Variants in ENTHD1 observed in about 807,000 individuals in gnomAD.
The protein encoded by ENTHD1 is ENTH domain containing 1, also known as ENTH domain-containing protein 1.
A neutral mutation model predicts 39.1 loss-of-function variants in ENTHD1; 23 were observed. The ratio of observed to expected loss-of-function variants is 0.59; its 90% CI spans 0.42 to 0.83. ENTHD1 has a LOEUF of 0.83. Among genes scored for constraint, ENTHD1 ranks in the 40% least tolerant of loss-of-function variants. The probability of loss-of-function intolerance (pLI) is 0.00; values close to 1 mark genes in which losing one functional copy is unlikely to be tolerated. For synonymous variants in ENTHD1, 230 were observed against 258.2 expected (o/e 0.89, Z 1.05); for missense variants, 624 against 705.4 (o/e 0.88, Z 1.31).
chr22:39,749,341 G>A (rs2065130942), intron 6 of ENTHD1, among the ~76,000 whole-genome samples: 1 of 152,180 alleles, frequency 6.6e-6, no homozygotes, highest in Non-Finnish European at 1.5e-5. Context: ...TGTGATATTT[G>A]CACACCAATT....
chr22:39,753,245 A>G (rs2065160588), intron 6 of ENTHD1, among the ~76,000 whole-genome samples: 1 of 152,204 alleles, frequency 6.6e-6, no homozygotes, highest in African/African-American at 2.4e-5. Context: ...GAATATACTG[A>G]AGGCTGACTG....
At chr22:39,862,064 AT>A (rs1048719106) in intron 2 of ENTHD1, 57 bp from the exon 3 acceptor site, 22 of 1,305,744 alleles carry the variant, frequency 1.7e-5, no homozygotes, top group Admixed American at 5.8e-5. Flanking sequence ...GCTATAATTA[AT>A]TTTTTTTCTA....
At chr22:39,811,060 G>A (rs1486415026) in intron 5 of ENTHD1, among the ~76,000 whole-genome samples, 4 of 152,232 alleles carry the variant, frequency 2.6e-5, no homozygotes, top group Non-Finnish European at 1.5e-5. Flanking sequence ...CTACATGTAT[G>A]TAGAAGGTGG....
At chr22:39,852,853 G>A (rs992436421) in intron 3 of ENTHD1, among the ~76,000 whole-genome samples, 4 of 152,084 alleles carry the variant, frequency 2.6e-5, no homozygotes, top group Non-Finnish European at 5.9e-5. Flanking sequence ...AACAGTGGTC[G>A]GTTTAGGGTG....
Position 39,875,468 on chromosome 22 carries a change from G to A in ENTHD1, c.349+11932C>T, listed in dbSNP as rs548436477. On this transcript the variant is annotated intron_variant, in intron 2 of 6. Coordinates refer to ENST00000325157, the MANE Select transcript of ENTHD1 (RefSeq NM_152512.4). ...CCGGGAGTCGCTGAGCGGCCAGGCCGTGCGCCGGCCTTTGGTCGCCTCCGT... is the reference window on the plus strand; with the variant it reads ...CCGGGAGTCGCTGAGCGGCCAGGCCATGCGCCGGCCTTTGGTCGCCTCCGT... 1.7e-5 allele frequency: 26 copies of A among 1,547,320 alleles called. No homozygotes were observed. In the South Asian group the frequency reaches 3.0e-4, roughly 18 times the overall value.
chr22:39,763,897 G>A (rs886190185), intron 6 of ENTHD1, among the ~76,000 whole-genome samples: 1 of 152,002 alleles, frequency 6.6e-6, no homozygotes, highest in Non-Finnish European at 1.5e-5. Context: ...CGACAGCCAG[G>A]CACATAATCC....
chr22:39,744,792 T>C (rs1014272599), intron 6 of ENTHD1, among the ~76,000 whole-genome samples: 1 of 152,310 alleles, frequency 6.6e-6, no homozygotes, highest in East Asian at 1.9e-4. Context: ...TAGTGAAATA[T>C]AATCAAGACT....
chr22:39,783,512 C>A (rs976024414), intron 5 of ENTHD1, among the ~76,000 whole-genome samples: 3 of 152,012 alleles, frequency 2.0e-5, no homozygotes, highest in Non-Finnish European at 4.4e-5. Context: ...TACTACAAAA[C>A]TAGAGTAACC....
At chr22:39,781,678 A>G (rs2065411131) in intron 5 of ENTHD1, among the ~76,000 whole-genome samples, 1 of 152,126 alleles carries the variant, frequency 6.6e-6, no homozygotes, top group Non-Finnish European at 1.5e-5. Context: ...AACTAAACAA[A>G]TGAGAGACTA....
chr22:39,758,528 G>C (rs2065203855), intron 6 of ENTHD1, among the ~76,000 whole-genome samples: 1 of 152,276 alleles, frequency 6.6e-6, no homozygotes, highest in Admixed American at 6.5e-5. Context: ...GGGCTCAAGT[G>C]ACCTTCCCAC....
chr22:39,816,882 A>ATC (rs2065737653), intron 5 of ENTHD1, among the ~76,000 whole-genome samples: 2 of 151,908 alleles, frequency 1.3e-5, no homozygotes, highest in South Asian at 4.1e-4. Flanking sequence ...ATAGCAGAGA[A>ATC]AGAATCAGAT....
intron 3 of ENTHD1, among the ~76,000 whole-genome samples, chr22:39,851,172 G>C (rs530521844): frequency 2.2e-4 from 33 of 152,122 alleles, no homozygotes; most frequent in Non-Finnish European, 4.3e-4. Flanking sequence ...GGCTTCTACT[G>C]TAGAAGATGA....
At position 39,765,175 on chromosome 22, in the gene ENTHD1, GTT is replaced by G. The variant is rs1491099868; in HGVS notation, c.1219+46_1219+47del. The G allele has an allele frequency of 4.8e-6, 6 of 1,255,624 alleles. No homozygotes were observed. The South Asian group carries it at 7.8e-5, about 16-fold the overall frequency. The allele number at this position is 1,255,624 out of a possible 1,614,324, so 77.8% of individuals were successfully genotyped here. On this transcript the variant is annotated intron_variant, in intron 6 of 6. Coordinates refer to ENST00000325157, the MANE Select transcript of ENTHD1 (RefSeq NM_152512.4). ...AATAATGCTTCAAAAGAGGTTTTTT[GTT>G]GTGTGTGTGTGTGTGTGTGTGTGTG...
chr22:39,816,316 A>G (rs758173238), intron 5 of ENTHD1, among the ~76,000 whole-genome samples: 22 of 152,246 alleles, frequency 1.4e-4, no homozygotes, highest in Admixed American at 4.6e-4. Flanking sequence ...AAATCAGGGA[A>G]AAATATAAAG....
intron 3 of ENTHD1, among the ~76,000 whole-genome samples, chr22:39,854,584 C>G (rs1405050328): frequency 6.6e-6 from 1 of 152,090 alleles, no homozygotes; most frequent in Non-Finnish European, 1.5e-5. Context: ...ATTGTTCTGT[C>G]TTGCCATCAA....
At chr22:39,834,976 G>C (rs537072957) in intron 4 of ENTHD1, among the ~76,000 whole-genome samples, 4 of 152,254 alleles carry the variant, frequency 2.6e-5, no homozygotes, top group African/African-American at 4.8e-5. Flanking sequence ...TGGGAGTGGG[G>C]TGGGTAGCAC....
chr22:39,856,200 G>A (rs929318988), intron 3 of ENTHD1, among the ~76,000 whole-genome samples: 1 of 151,444 alleles, frequency 6.6e-6, no homozygotes, highest in Non-Finnish European at 1.5e-5. Context: ...CTTGAACCTG[G>A]GAGGCAGAGG....
At chr22:39,749,491 C>A (rs1312912596) in intron 6 of ENTHD1, among the ~76,000 whole-genome samples, 1 of 152,142 alleles carries the variant, frequency 6.6e-6, no homozygotes, top group Non-Finnish European at 1.5e-5. Flanking sequence ...GCATTTAGAA[C>A]TGTGCTGCAA....
chr22:39,781,893 C>CA (rs2065413075), intron 5 of ENTHD1, among the ~76,000 whole-genome samples: 1 of 152,122 alleles, frequency 6.6e-6, no homozygotes, highest in Non-Finnish European at 1.5e-5. Flanking sequence ...AATATGCCAA[C>CA]AAATTGCAAA....
Sources: gnomAD v4.1 joint callset for allele counts (sites outside exome capture counted in the v4.1 genomes callset) on GRCh38, gnomAD v4.1.1 for gene constraint, MANE v1.5 for transcripts, NCBI Gene and HGNC (gene_info 2026-07-23, HGNC 2026-07-21) for gene names.